Variants in HSCB observed in about 807,000 individuals in gnomAD.
HSCB encodes the protein iron-sulfur cluster co-chaperone protein HscB.
In HSCB, 23 loss-of-function variants were observed where a neutral mutation model predicts 31.3. The observed-to-expected ratio is 0.74, with a 90% CI of 0.53 to 1.04. The LOEUF (loss-of-function observed/expected upper bound fraction) is 1.04. Ranked by LOEUF, HSCB falls within the 50% of genes least tolerant of loss-of-function variation. HSCB has a pLI of 0.00. For missense variants in HSCB, 297 were observed against 288.1 expected, an observed-to-expected ratio of 1.03 and a Z score of -0.22; for synonymous variants, 110 against 104.5, an observed-to-expected ratio of 1.05 and a Z score of -0.32.
At chr22:28,751,109 G>A (rs2030214435) in intron 4 of HSCB, 132 bp from the exon 5 acceptor site, 1 of 612,450 alleles carries the variant, frequency 1.6e-6, no homozygotes, top group South Asian at 2.2e-5. Flanking sequence ...CAAAGGTTAT[G>A]AAGCCTTACC....
intron 5 of HSCB, among the ~76,000 whole-genome samples, chr22:28,756,569 A>G (rs896036801): frequency 6.6e-6 from 1 of 151,970 alleles, no homozygotes; most frequent in African/African-American, 2.4e-5. Context: ...CCTGGGCTCA[A>G]GGGATCCTCC....
Position 28,744,693 on chromosome 22 carries a change from G to GGACT in HSCB, c.414_417dup (p.Tyr140ThrfsTer13), listed in dbSNP as rs1199804198. On this transcript the variant is annotated frameshift_variant, in exon 3 of 6. Transcript: ENST00000216027. LOFTEE classifies it high-confidence loss of function. The stretch of plus-strand genomic sequence containing the variant: ...GACCCTCCTGGCCCCCCTGAGCAGA[G>GGACT]GACTGTACCTTGTAAGGTGATTTCC... The GGACT allele has an allele frequency of 6.2e-7, 1 of 1,612,898 alleles. No homozygotes were observed. The highest frequency in any genetic ancestry group is 8.5e-7 in the Non-Finnish European group (1 of 1,178,966).
chr22:28,754,244 C>G (rs2030452399), intron 5 of HSCB, among the ~76,000 whole-genome samples: 1 of 152,128 alleles, frequency 6.6e-6, no homozygotes, highest in Non-Finnish European at 1.5e-5. Context: ...TATAATTCCA[C>G]TTATATGAGG....
At chr22:28,753,285 G>A (rs1442421670) in intron 5 of HSCB, among the ~76,000 whole-genome samples, 1 of 151,898 alleles carries the variant, frequency 6.6e-6, no homozygotes, top group Non-Finnish European at 1.5e-5. Flanking sequence ...CAGCACTTTG[G>A]GAGGCTGAGG....
chr22:28,744,560 C>T, intron 2 of HSCB, 55 bp from the exon 3 acceptor site: 1 of 1,382,078 alleles, frequency 7.2e-7, no homozygotes, highest in South Asian at 1.2e-5. Flanking sequence ...AAAACAAAAA[C>T]AAAAAAACTT....
intron 5 of HSCB, among the ~76,000 whole-genome samples, chr22:28,755,254 C>G (rs1421093412): frequency 1.3e-5 from 2 of 151,296 alleles, no homozygotes; most frequent in Non-Finnish European, 3.0e-5. Flanking sequence ...ACTAAAAATA[C>G]AAAAAATTAG....
intron 5 of HSCB, among the ~76,000 whole-genome samples, chr22:28,755,021 C>T (rs1168227555): frequency 1.3e-4 from 20 of 150,974 alleles, no homozygotes; most frequent in Non-Finnish European, 1.5e-5. Context: ...GTCTTGAACT[C>T]CTGACCTCAT....
In HSCB at chr22:28,742,049, T is replaced by G. The variant is rs1230671429; in HGVS notation, c.-47T>G. ...AACATTAGTCTGGTTAGACGCTCTC[T>G]TTGCTTTTCCCCACGAGTGACCACG... On this transcript the variant is annotated 5_prime_UTR_variant, in exon 1 of 6. Coordinates refer to ENST00000216027, the MANE Select transcript of HSCB (RefSeq NM_172002.5). The G allele has an allele frequency of 6.4e-6, 10 of 1,561,794 alleles. No homozygotes were observed. Among genetic ancestry groups the G allele is most frequent in the African/African-American group, 1.4e-5 (1 of 73,824 alleles).
chr22:28,751,265 A>G lies in HSCB; in HGVS notation c.593A>G (p.Asn198Ser). 1 of 1,600,828 alleles carries G rather than the reference A, an allele frequency of 6.2e-7. No homozygotes were observed. Among genetic ancestry groups the G allele is most frequent in the South Asian group, 1.1e-5 (1 of 88,496 alleles). The change falls in exon 5 of 6, where the codon AAT (asparagine) becomes AGT (serine). Residue 198 changes from asparagine (N) to serine (S), a missense_variant. By Grantham distance (46) the Asn-to-Ser change is conservative (BLOSUM62 1). Coordinates refer to ENST00000216027, the MANE Select transcript of HSCB (RefSeq NM_172002.5). ...VKAKQKEFTD[N>S]VSSAFEQDDF... ...GCTAAACAGAAAGAATTTACTGACA[A>G]TGTGAGCAGTGCTTTTGAACAAGGT...
chr22:28,744,996 T>C, intron 3 of HSCB, among the ~76,000 whole-genome samples: 1 of 149,888 alleles, frequency 6.7e-6, no homozygotes, highest in Non-Finnish European at 1.5e-5. Context: ...AGCAGGAGGA[T>C]CACTTGAGCC....
chr22:28,756,249 C>T (rs1019258040), intron 5 of HSCB, among the ~76,000 whole-genome samples: 4 of 99,746 alleles, frequency 4.0e-5, no homozygotes, highest in Non-Finnish European at 8.8e-5. Flanking sequence ...CTCCATCTCA[C>T]AAAAAAAAAA....
chr22:28,756,204 C>T (rs1210430014), intron 5 of HSCB, among the ~76,000 whole-genome samples: 3 of 150,948 alleles, frequency 2.0e-5, no homozygotes, highest in East Asian at 2.0e-4. Flanking sequence ...GCTGAGATCA[C>T]GCCACTGTAC....
intron 4 of HSCB, among the ~76,000 whole-genome samples, chr22:28,750,525 T>C (rs2030159888): frequency 6.6e-6 from 1 of 152,162 alleles, no homozygotes; most frequent in Non-Finnish European, 1.5e-5. Flanking sequence ...GGGAGTCAAG[T>C]GACTTGGATT....
chr22:28,756,381 TG>T, intron 5 of HSCB, among the ~76,000 whole-genome samples: 1 of 151,884 alleles, frequency 6.6e-6, no homozygotes, highest in Non-Finnish European at 1.5e-5. Flanking sequence ...CCTCAGCACC[TG>T]GCATAGAGGA....
intron 4 of HSCB, among the ~76,000 whole-genome samples, 174 bp downstream of exon 4, chr22:28,746,182 A>T (rs2054684627): frequency 6.6e-6 from 1 of 151,962 alleles, no homozygotes; most frequent in African/African-American, 2.4e-5. Flanking sequence ...GGAGTTCAAG[A>T]TCAGCCTGGC....
At position 28,750,945 on chromosome 22, in the gene HSCB, C is replaced by CTTTTT. The variant is rs758451182; in HGVS notation, c.569-276_569-272dup. On this transcript the variant is annotated intron_variant, in intron 4 of 5. Transcript: ENST00000216027. ...GGAGATAATCAAAGTATATCTTTGT[C>CTTTTT]TTTTTTTTTTTTTTTTTTTTTTTTA... Among the ~76,000 whole-genome samples, 31 of 56,454 alleles carry CTTTTT rather than the reference C, an allele frequency of 5.5e-4. 2 individuals are homozygous for CTTTTT. Among genetic ancestry groups the CTTTTT allele is most frequent in the South Asian group, 1.1e-3 (1 of 904 alleles). The allele number at this position is 56,454 out of a possible 152,430, so 37.0% of individuals were successfully genotyped here.
chr22:28,742,631 T>G (rs1601382100), intron 1 of HSCB: 55 of 362,034 alleles, frequency 1.5e-4, no homozygotes, highest in East Asian at 4.7e-4. Context: ...TGAGGGGCGG[T>G]ACCTACGGGA....
chr22:28,743,783 A>G, intron 1 of HSCB, 99 bp from the exon 2 acceptor site: 1 of 962,368 alleles, frequency 1.0e-6, no homozygotes, highest in Non-Finnish European at 1.7e-6. Context: ...AACTGCTTAT[A>G]TGTTATTGCA....
intron 5 of HSCB, among the ~76,000 whole-genome samples, chr22:28,753,561 G>A (rs183669158): frequency 0.016 from 2,418 of 151,606 alleles, 52 homozygotes; most frequent in African/African-American, 0.049. Flanking sequence ...GACACCAGCC[G>A]GGCACGGTGG....
Sources: gnomAD v4.1 joint callset for allele counts (sites outside exome capture counted in the v4.1 genomes callset) on GRCh38, gnomAD v4.1.1 for gene constraint, MANE v1.5 for transcripts, NCBI Gene and HGNC (gene_info 2026-07-23, HGNC 2026-07-21) for gene names.